Variants in TMEM132D observed in about 807,000 individuals in gnomAD.
The protein encoded by TMEM132D is mature OL transmembrane protein.
In TMEM132D, 21 loss-of-function variants were observed where a neutral mutation model predicts 62.3. The observed-to-expected ratio is 0.34, with a 90% CI of 0.24 to 0.49. The LOEUF (loss-of-function observed/expected upper bound fraction) is 0.49, where lower values mean the gene tolerates loss of function less well. TMEM132D is among the 20% of genes least tolerant of loss of function. TMEM132D has a pLI of 0.99. For synonymous variants in TMEM132D, 621 were observed against 575.6 expected (o/e 1.08, Z -1.13); for missense variants, 1,346 against 1,402.8 (o/e 0.96, Z 0.65).
intron 4 of TMEM132D, among the ~76,000 whole-genome samples, chr12:129,311,436 G>A (rs1286993330): frequency 6.6e-6 from 1 of 152,124 alleles, no homozygotes; most frequent in South Asian, 2.1e-4. Context: ...GCACCATCAT[G>A]TGTTCATTCA....
intron 1 of TMEM132D, among the ~76,000 whole-genome samples, chr12:129,739,148 T>C (rs569276224): frequency 6.6e-6 from 1 of 152,060 alleles, no homozygotes; most frequent in Non-Finnish European, 1.5e-5. Context: ...TTAGGCGGTA[T>C]AGTGAGGAGG....
intron 4 of TMEM132D, among the ~76,000 whole-genome samples, chr12:129,299,171 G>A (rs1351247137): frequency 3.3e-5 from 5 of 152,110 alleles, no homozygotes; most frequent in African/African-American, 7.2e-5. Flanking sequence ...TGGAATTCTC[G>A]GGAGATAGGT....
intron 5 of TMEM132D, chr12:129,113,431 C>A (rs1875788090): frequency 6.6e-6 from 1 of 152,088 alleles, no homozygotes; most frequent in African/African-American, 2.4e-5. Flanking sequence ...TCCCAAGAAC[C>A]AACTATGAGC....
intron 2 of TMEM132D, 29 bp downstream of exon 2, chr12:129,699,781 G>A (rs750768796): frequency 6.2e-7 from 1 of 1,608,914 alleles, no homozygotes; most frequent in South Asian, 1.1e-5. Context: ...CGACGGGCGG[G>A]TACAGACAGA....
At chr12:129,513,792 A>G (rs986706708) in intron 3 of TMEM132D, among the ~76,000 whole-genome samples, 40 of 146,588 alleles carry the variant, frequency 2.7e-4, no homozygotes, top group African/African-American at 1.0e-3. Flanking sequence ...GCCAATGGGG[A>G]CCAATTTTTA....
chr12:129,386,452 T>C (rs535578463), intron 3 of TMEM132D, among the ~76,000 whole-genome samples: 1 of 150,576 alleles, frequency 6.6e-6, no homozygotes, highest in Admixed American at 6.6e-5. Flanking sequence ...ATACTAACAC[T>C]AATACCAACG....
intron 5 of TMEM132D, among the ~76,000 whole-genome samples, chr12:129,175,572 G>A (rs1183495694): frequency 1.3e-5 from 2 of 152,188 alleles, no homozygotes; most frequent in Admixed American, 6.5e-5. Context: ...ACCAGGCATG[G>A]TGGCACATGC....
intron 2 of TMEM132D, among the ~76,000 whole-genome samples, chr12:129,555,489 C>A (rs1434113273): frequency 6.6e-6 from 1 of 152,156 alleles, no homozygotes; most frequent in Admixed American, 6.5e-5. Context: ...GCTAGGGAAG[C>A]AACCATACAT....
At chr12:129,320,007 A>G (rs1868631221) in intron 4 of TMEM132D, among the ~76,000 whole-genome samples, 1 of 152,252 alleles carries the variant, frequency 6.6e-6, no homozygotes, top group African/African-American at 2.4e-5. Context: ...TCACTGTACA[A>G]GAACAATCAC....
At chr12:129,818,601 G>A (rs546739874) in intron 1 of TMEM132D, among the ~76,000 whole-genome samples, 6 of 151,350 alleles carry the variant, frequency 4.0e-5, no homozygotes, top group Non-Finnish European at 8.8e-5. Context: ...GTTTGTGTGT[G>A]TGTATATGTG....
chr12:129,388,590 C>T (rs1355744365), intron 3 of TMEM132D, among the ~76,000 whole-genome samples: 5 of 115,884 alleles, frequency 4.3e-5, no homozygotes, highest in South Asian at 2.6e-4. Flanking sequence ...AACACCGACA[C>T]CAATACTAAC....
chr12:129,155,960 T>G (rs1877229426), intron 5 of TMEM132D, among the ~76,000 whole-genome samples: 1 of 151,328 alleles, frequency 6.6e-6, no homozygotes, highest in Admixed American at 6.6e-5. Flanking sequence ...CAACCCACTC[T>G]CATGATAACT....
At position 129,700,486 on chromosome 12, in the gene TMEM132D, C is replaced by G. The variant is rs2137227407; in HGVS notation, c.292G>C (p.Gly98Arg). The G allele has an allele frequency of 1.2e-6, 2 of 1,614,046 alleles. No homozygotes were observed. The highest frequency in any genetic ancestry group is 1.7e-6 in the Non-Finnish European group (2 of 1,180,030). ...RRLPVLNASY[G>R]PFSIEQVVPQ... Reference sequence around the variant, plus strand: ...ACCACTTGCTCGATGGAGAAAGGCCCGTAGCTGGCATTGAGGACAGGCAGC... The same window carrying G: ...ACCACTTGCTCGATGGAGAAAGGCCGGTAGCTGGCATTGAGGACAGGCAGC... Residue 98 changes from glycine (G) to arginine (R), a missense_variant, in exon 2 of 9, where the codon GGG becomes CGG. By Grantham distance (125) the Gly-to-Arg change is moderately radical. Coordinates refer to ENST00000422113, the MANE Select transcript of TMEM132D (RefSeq NM_133448.3).
chr12:129,439,672 C>A (rs1161580240), intron 3 of TMEM132D, among the ~76,000 whole-genome samples: 1 of 152,204 alleles, frequency 6.6e-6, no homozygotes, highest in Non-Finnish European at 1.5e-5. Context: ...TGGTCTGGAA[C>A]TGCTGACCTC....
In TMEM132D at chr12:129,833,439, A is replaced by T. The variant is rs146043175; in HGVS notation, c.79+69822T>A. ...CATGTGGTGAAACCCCATCCCTACAAAAAAATGAAAAACAAAAACAAAAAC... is the reference window on the plus strand; with the variant it reads ...CATGTGGTGAAACCCCATCCCTACATAAAAATGAAAAACAAAAACAAAAAC... On this transcript the variant is annotated intron_variant, in intron 1 of 8. Coordinates refer to ENST00000422113, the MANE Select transcript of TMEM132D (RefSeq NM_133448.3). Among the ~76,000 whole-genome samples the T allele has an allele frequency of 5.7e-3, 865 of 152,022 alleles. 9 individuals carry two copies. Among genetic ancestry groups the T allele is most frequent in the African/African-American group, 0.019 (794 of 41,446 alleles).
At chr12:129,574,328 G>A (rs183637878) in intron 2 of TMEM132D, among the ~76,000 whole-genome samples, 9 of 151,958 alleles carry the variant, frequency 5.9e-5, no homozygotes, top group East Asian at 1.9e-4. Context: ...ATGACTGCAC[G>A]TCTAAAACAT....
intron 1 of TMEM132D, among the ~76,000 whole-genome samples, chr12:129,766,874 C>A (rs928458256): frequency 1.3e-5 from 2 of 152,148 alleles, no homozygotes; most frequent in Non-Finnish European, 2.9e-5. Flanking sequence ...AGACGCCCAC[C>A]AGTACCATGA....
At chr12:129,886,298 G>T (rs1373470518) in intron 1 of TMEM132D, among the ~76,000 whole-genome samples, 1 of 152,156 alleles carries the variant, frequency 6.6e-6, no homozygotes, top group Non-Finnish European at 1.5e-5. Context: ...TGAGGGGAAT[G>T]AATCATAGTA....
intron 6 of TMEM132D, 80 bp downstream of exon 6, chr12:129,084,417 C>G (rs1242685968): frequency 6.0e-5 from 84 of 1,410,866 alleles, no homozygotes; most frequent in African/African-American, 1.4e-5. Flanking sequence ...CACATGCATC[C>G]TCAGACCCAG....
Sources: allele counts gnomAD v4.1 joint callset (sites outside exome capture counted in the v4.1 genomes callset), GRCh38; gene constraint gnomAD v4.1.1; transcripts MANE v1.5; gene names NCBI Gene and HGNC (gene_info 2026-07-23, HGNC 2026-07-21).